The following FAF1 variants were observed in gnomAD, a reference collection of about 807,000 sequenced individuals.
FAF1 encodes Fas associated factor 1, also known as FAS-associated factor 1.
FAF1 carries 25 observed loss-of-function variants against 92.5 expected under a neutral mutation model. The observed-to-expected ratio is 0.27, with a 90% CI of 0.20 to 0.38. The LOEUF (loss-of-function observed/expected upper bound fraction) is 0.38, where lower values mean the gene tolerates loss of function less well. FAF1 is among the 10% of genes least tolerant of loss of function. The pLI, the probability that FAF1 is intolerant of heterozygous loss-of-function variation, is 1.00. For synonymous variants in FAF1, 234 were observed against 273.2 expected (o/e 0.86, Z 1.42); for missense variants, 636 against 793.3 (o/e 0.80, Z 2.38).
At chr1:50,651,335 T>C (rs1654854248) in intron 8 of FAF1, among the ~76,000 whole-genome samples, 1 of 152,226 alleles carries the variant, frequency 6.6e-6, no homozygotes, top group Non-Finnish European at 1.5e-5. Flanking sequence ...AATTCACTCA[T>C]TTTAAATGTT....
rs903511016 is a variant in FAF1, at chr1:50,750,600, C to T, written c.368-5825G>A. On this transcript the variant is annotated intron_variant, in intron 4 of 18. Coordinates refer to ENST00000396153, the MANE Select transcript of FAF1 (RefSeq NM_007051.3). ...GTTCCTTTGTTTGGAGTAATGTTTT[C>T]GAGATTTATCCTTTTTCTTTTCTTT... is the stretch of plus-strand genomic sequence containing the variant. Among the ~76,000 whole-genome samples the T allele has an allele frequency of 4.0e-5, 6 of 150,598 alleles. 1 individual carries two copies. Among genetic ancestry groups the T allele is most frequent in the Admixed American group, 2.7e-4 (4 of 15,080 alleles).
At chr1:50,648,382 T>C (rs1654694215) in intron 8 of FAF1, among the ~76,000 whole-genome samples, 1 of 152,188 alleles carries the variant, frequency 6.6e-6, no homozygotes, top group Non-Finnish European at 1.5e-5. Flanking sequence ...GAGTACCAAG[T>C]ATATTCGAAA....
intron 8 of FAF1, among the ~76,000 whole-genome samples, chr1:50,634,893 G>A (rs1399071611): frequency 6.6e-6 from 1 of 152,000 alleles, no homozygotes; most frequent in Admixed American, 6.6e-5. Flanking sequence ...AGAAAAGGGT[G>A]GTTTCAAGCA....
At chr1:50,602,820 C>A (rs975421295) in intron 8 of FAF1, among the ~76,000 whole-genome samples, 6 of 151,928 alleles carry the variant, frequency 3.9e-5, no homozygotes, top group Non-Finnish European at 8.8e-5. Context: ...TGCTTTTTGA[C>A]ATATATATAC....
At chr1:50,738,000 A>T (rs1659210630) in intron 6 of FAF1, among the ~76,000 whole-genome samples, 1 of 152,198 alleles carries the variant, frequency 6.6e-6, no homozygotes, top group Non-Finnish European at 1.5e-5. Flanking sequence ...ATAATCATCC[A>T]CTATAGGTCA....
intron 15 of FAF1, among the ~76,000 whole-genome samples, chr1:50,502,987 C>T (rs1488912985): frequency 2.0e-5 from 3 of 151,738 alleles, no homozygotes; most frequent in East Asian, 1.9e-4. Flanking sequence ...CCATGTCAGG[C>T]TAATTATTCT....
At chr1:50,543,659 A>C (rs1648862670) in intron 13 of FAF1, among the ~76,000 whole-genome samples, 1 of 152,158 alleles carries the variant, frequency 6.6e-6, no homozygotes, top group Non-Finnish European at 1.5e-5. Flanking sequence ...TAGGATTAAA[A>C]ATGATAGTTT....
intron 1 of FAF1, among the ~76,000 whole-genome samples, chr1:50,929,846 C>G (rs1570153009): frequency 6.6e-6 from 1 of 152,078 alleles, no homozygotes. Context: ...TTATTATAAG[C>G]TATAACTTAT....
At chr1:50,551,856 A>G (rs370152651) in intron 13 of FAF1, among the ~76,000 whole-genome samples, 66 of 152,334 alleles carry the variant, frequency 4.3e-4, no homozygotes, top group African/African-American at 1.4e-3. Context: ...TCCTGTTAAC[A>G]TTTTCATAAA....
intron 4 of FAF1, among the ~76,000 whole-genome samples, chr1:50,775,812 G>T (rs1315537155): frequency 6.6e-6 from 1 of 152,072 alleles, no homozygotes; most frequent in African/African-American, 2.4e-5. Flanking sequence ...AAACTTTATT[G>T]ACTAAGTGCA....
At chr1:50,503,401 T>C (rs1647015766) in intron 15 of FAF1, among the ~76,000 whole-genome samples, 1 of 152,018 alleles carries the variant, frequency 6.6e-6, no homozygotes, top group East Asian at 1.9e-4. Flanking sequence ...TAGAATTGCT[T>C]GAGGCTAAGA....
rs921997124 is a variant in FAF1, at chr1:50,485,791, C to T, written c.1653+4797G>A. On this transcript the variant is annotated intron_variant, in intron 17 of 18. Transcript: ENST00000396153. ...CTTAACAGGAAGGATGACTGGGAGGCCTCAAGAAATTTACAATCATGGTGG... is the reference window on the plus strand; with the variant it reads ...CTTAACAGGAAGGATGACTGGGAGGTCTCAAGAAATTTACAATCATGGTGG... Among the ~76,000 whole-genome samples the T allele has an allele frequency of 2.6e-5, 4 of 150,960 alleles. No individual in the cohort carries two copies. The East Asian group carries it at 7.8e-4, about 29-fold the overall frequency.
Position 50,959,820 on chromosome 1 carries a change from C to G in FAF1, c.-9G>C. The G allele has an allele frequency of 6.4e-7, 1 of 1,558,652 alleles. No individual in the cohort carries two copies. The highest frequency in any genetic ancestry group is 8.7e-7 in the Non-Finnish European group (1 of 1,150,332). The stretch of plus-strand genomic sequence containing the variant: ...TCCATGTTGGACGCCATGGCGGCCG[C>G]CGAGTTCCGCGGCTCCGGGAGCGAA... On this transcript the variant is annotated 5_prime_UTR_variant, in exon 1 of 19. Transcript: ENST00000396153.
At position 50,596,039 on chromosome 1, in the gene FAF1, T is replaced by A. The variant is rs548361239; in HGVS notation, c.840+82A>T. 269 of 860,748 alleles carry A rather than the reference T, an allele frequency of 3.1e-4. 2 individuals carry two copies. The East Asian group carries it at 6.0e-3, about 19-fold the overall frequency. The allele number at this position is 860,748 out of a possible 1,614,324, so 53.3% of individuals were successfully genotyped here. Reference sequence around the variant, plus strand: ...CATTAACTTTATCTGTTCATTGCTCTGGCAGATAAAAAAAAAGGGAAGTGC... The same window carrying A: ...CATTAACTTTATCTGTTCATTGCTCAGGCAGATAAAAAAAAAGGGAAGTGC... On this transcript the variant is annotated intron_variant, in intron 9 of 18. Coordinates refer to ENST00000396153, the MANE Select transcript of FAF1 (RefSeq NM_007051.3).
At position 50,711,351 on chromosome 1, in the gene FAF1, T is replaced by C. The variant is rs186004499; in HGVS notation, c.552-5460A>G. ...AAAAGGATCTACAGTGCTTTTGTAG[T>C]AGTTACTTTTCATGTTTTAGTTCTA... On this transcript the variant is annotated intron_variant, in intron 6 of 18. Transcript: ENST00000396153. Among the ~76,000 whole-genome samples, 6 of 152,312 alleles carry C rather than the reference T, an allele frequency of 3.9e-5. No individual in the cohort carries two copies. The East Asian group carries it at 9.6e-4, about 24-fold the overall frequency.
chr1:50,934,262 A>T (rs1414920344), intron 1 of FAF1, among the ~76,000 whole-genome samples: 1 of 152,010 alleles, frequency 6.6e-6, no homozygotes, highest in Non-Finnish European at 1.5e-5. Context: ...CTTCCACATA[A>T]TTTTTTAAAT....
At chr1:50,907,013 G>A (rs1644844539) in intron 1 of FAF1, among the ~76,000 whole-genome samples, 1 of 152,052 alleles carries the variant, frequency 6.6e-6, no homozygotes, top group Admixed American at 6.6e-5. Flanking sequence ...ATTGGCTGTG[G>A]GTTTGTCATA....
At chr1:50,541,787 A>AG (rs1370432280) in intron 13 of FAF1, among the ~76,000 whole-genome samples, 1 of 152,182 alleles carries the variant, frequency 6.6e-6, no homozygotes, top group Admixed American at 6.5e-5. Context: ...ATAAAAAAAA[A>AG]GGGAAAAGCA....
rs1488162640 is a variant in FAF1 at position 50,439,182 on chromosome 1, G to A, written c.*2258C>T. ...GATGTAAAGCCCAAGGAAGCCTAAT[G>A]GTAGGAGGAAGAACTGCAGAGGACA... is the stretch of plus-strand genomic sequence containing the variant. On this transcript the variant is annotated 3_prime_UTR_variant, in exon 19 of 19. Transcript: ENST00000396153. 1 of 152,236 alleles carries A rather than the reference G, an allele frequency of 6.6e-6. No homozygotes were observed. The highest frequency in any genetic ancestry group is 1.5e-5 in the Non-Finnish European group (1 of 68,054). The allele number at this position is 152,236 out of a possible 1,614,324, so 9.4% of individuals were successfully genotyped here.
Sources: gnomAD v4.1 joint callset for allele counts (sites outside exome capture counted in the v4.1 genomes callset) on GRCh38, gnomAD v4.1.1 for gene constraint, MANE v1.5 for transcripts, NCBI Gene and HGNC (gene_info 2026-07-23, HGNC 2026-07-21) for gene names.